PTPRT: variants seen among roughly 807,000 people sequenced by gnomAD.
The protein encoded by PTPRT is receptor-type tyrosine-protein phosphatase T.
In PTPRT, 56 loss-of-function variants were observed where a neutral mutation model predicts 176.8. The ratio of observed to expected loss-of-function variants is 0.32; its 90% CI spans 0.26 to 0.40. PTPRT has a LOEUF of 0.40. Among genes scored for constraint, PTPRT ranks in the 10% least tolerant of loss-of-function variants. PTPRT has a pLI of 1.00. For missense variants in PTPRT, 1,540 were observed against 1,908.2 expected (o/e 0.81, Z 3.60); for synonymous variants, 783 against 739.0 (o/e 1.06, Z -0.96).
chr20:42,887,435 G>A lies in PTPRT; in HGVS notation c.89-1503C>T, dbSNP rs915173488. 3.9e-5 allele frequency among the ~76,000 whole-genome samples: 6 copies of A among 152,214 alleles called. No homozygotes were observed. In the East Asian group the frequency reaches 1.2e-3, roughly 29 times the overall value. ...TATACTTCCTAGTCCCCAGGACTGT[G>A]AGAAATCAATTTCTGTTGTTTATAA... is the stretch of plus-strand genomic sequence containing the variant. On this transcript the variant is annotated intron_variant, in intron 1 of 30. Transcript: ENST00000373187.
intron 9 of PTPRT, among the ~76,000 whole-genome samples, chr20:42,416,933 G>A (rs560047128): frequency 2.0e-5 from 3 of 152,308 alleles, no homozygotes; most frequent in East Asian, 3.9e-4. Flanking sequence ...ATGTTGGGCT[G>A]TGGGACTGTG....
intron 2 of PTPRT, among the ~76,000 whole-genome samples, chr20:42,840,748 C>T (rs568864486): frequency 6.6e-6 from 1 of 152,208 alleles, no homozygotes; most frequent in South Asian, 2.1e-4. Flanking sequence ...ATTCAACTCA[C>T]AACAATGGGT....
At chr20:43,182,759 A>T (rs1308894299) in intron 1 of PTPRT, among the ~76,000 whole-genome samples, 1 of 152,084 alleles carries the variant, frequency 6.6e-6, no homozygotes. Flanking sequence ...CTGGGTGTTG[A>T]TGGAAGCCCC....
intron 29 of PTPRT, among the ~76,000 whole-genome samples, chr20:42,084,083 A>G (rs1230449554): frequency 1.3e-5 from 2 of 152,226 alleles, no homozygotes; most frequent in East Asian, 1.9e-4. Flanking sequence ...CACATACCCA[A>G]TGAACAGACG....
At chr20:42,045,635 G>T in the PTPRT span, among the ~76,000 whole-genome samples, 4 of 148,250 alleles carry the variant, frequency 2.7e-5, no homozygotes, top group African/African-American at 9.9e-5. Context: ...AGCATTCAGT[G>T]CCTGTACAAG....
chr20:42,189,457 C>A (rs1407614987), intron 16 of PTPRT, among the ~76,000 whole-genome samples: 1 of 152,158 alleles, frequency 6.6e-6, no homozygotes. Flanking sequence ...GAGACCATGT[C>A]TTATTTATCT....
chr20:42,293,711 T>G (rs2057349492), intron 12 of PTPRT, among the ~76,000 whole-genome samples: 1 of 152,164 alleles, frequency 6.6e-6, no homozygotes, highest in Non-Finnish European at 1.5e-5. Context: ...TACAATCATC[T>G]AAAAGAATTG....
At chr20:42,978,153 C>T (rs954698705) in intron 1 of PTPRT, among the ~76,000 whole-genome samples, 4 of 152,176 alleles carry the variant, frequency 2.6e-5, no homozygotes, top group Non-Finnish European at 5.9e-5. Context: ...TTGTCCTGAA[C>T]ATACATATTA....
At chr20:43,045,302 T>A (rs1986786003) in intron 1 of PTPRT, among the ~76,000 whole-genome samples, 1 of 152,190 alleles carries the variant, frequency 6.6e-6, no homozygotes, top group East Asian at 1.9e-4. Context: ...TAGAGCTAAC[T>A]GGTACTGACA....
intron 1 of PTPRT, among the ~76,000 whole-genome samples, chr20:43,046,959 C>T (rs977404530): frequency 2.0e-5 from 3 of 152,166 alleles, no homozygotes; most frequent in African/African-American, 4.8e-5. Flanking sequence ...TTTCATAGGG[C>T]GGCCAGGAAT....
chr20:42,064,719 C>A, the PTPRT span, among the ~76,000 whole-genome samples: 1 of 152,136 alleles, frequency 6.6e-6, no homozygotes, highest in African/African-American at 2.4e-5. Context: ...AACTTTGGGC[C>A]TTCATTTATA....
At chr20:42,345,612 GTGTGTGTA>G (rs747227456) in intron 11 of PTPRT, among the ~76,000 whole-genome samples, 1,525 of 131,710 alleles carry the variant, frequency 0.012, 35 homozygotes, top group South Asian at 0.041. Context: ...GTGTGTGTGT[GTGTGTGTA>G]TATATATGTA....
At chr20:42,417,344 C>T (rs560238824) in intron 9 of PTPRT, among the ~76,000 whole-genome samples, 248 of 152,206 alleles carry the variant, frequency 1.6e-3, no homozygotes, top group African/African-American at 5.6e-3. Context: ...AAGCAGCCTC[C>T]TGCCATTCTC....
intron 9 of PTPRT, among the ~76,000 whole-genome samples, chr20:42,358,494 G>T (rs1312086507): frequency 6.6e-6 from 1 of 152,158 alleles, no homozygotes; most frequent in Non-Finnish European, 1.5e-5. Context: ...AGGGAAGATG[G>T]CTCTTATGAG....
At chr20:42,515,907 T>G (rs1174449085) in intron 7 of PTPRT, among the ~76,000 whole-genome samples, 1 of 149,740 alleles carries the variant, frequency 6.7e-6, no homozygotes, top group Admixed American at 6.7e-5. Flanking sequence ...ATATACACCA[T>G]GGAATACTAT....
chr20:42,324,681 T>C (rs908891377), intron 11 of PTPRT, among the ~76,000 whole-genome samples: 1 of 152,218 alleles, frequency 6.6e-6, no homozygotes, highest in African/African-American at 2.4e-5. Context: ...GAAACAAGTG[T>C]GAGCTTTGTA....
At chr20:42,987,856 G>A (rs145080276) in intron 1 of PTPRT, among the ~76,000 whole-genome samples, 20 of 152,296 alleles carry the variant, frequency 1.3e-4, no homozygotes, top group Non-Finnish European at 2.4e-4. Context: ...ACAGTCACCC[G>A]AAAGCTTGAC....
At chr20:42,469,471 G>A (rs2071156655) in intron 8 of PTPRT, among the ~76,000 whole-genome samples, 1 of 152,176 alleles carries the variant, frequency 6.6e-6, no homozygotes, top group African/African-American at 2.4e-5. Context: ...CCAGAGTGCT[G>A]GGATTACAGG....
the PTPRT span, among the ~76,000 whole-genome samples, chr20:42,037,552 G>A: frequency 1.6e-4 from 25 of 152,286 alleles, no homozygotes; most frequent in Middle Eastern, 6.8e-3. Flanking sequence ...GGCACCCGAG[G>A]GGCTAGACAA....
Sources: gnomAD v4.1 joint callset for allele counts (sites outside exome capture counted in the v4.1 genomes callset) on GRCh38, gnomAD v4.1.1 for gene constraint, MANE v1.5 for transcripts, NCBI Gene and HGNC (gene_info 2026-07-23, HGNC 2026-07-21) for gene names.